Variants in CSMD1 observed in about 807,000 individuals in gnomAD.
CSMD1 encodes the protein CUB and sushi domain-containing protein 1.
A neutral mutation model predicts 417.5 loss-of-function variants in CSMD1; 213 were observed. The observed-to-expected ratio is 0.51, with a 90% CI of 0.46 to 0.57. The LOEUF (loss-of-function observed/expected upper bound fraction) is 0.57, where lower values mean the gene tolerates loss of function less well. Among genes scored for constraint, CSMD1 ranks in the 20% least tolerant of loss-of-function variants. The probability of loss-of-function intolerance (pLI) is 0.00; values close to 1 mark genes in which losing one functional copy is unlikely to be tolerated. For synonymous variants in CSMD1, 2,862 were observed against 1,736.8 expected (o/e 1.65, Z -16.11); for missense variants, 6,923 against 4,529.7 (o/e 1.53, Z -15.17).
intron 2 of CSMD1, among the ~76,000 whole-genome samples, chr8:4,488,982 G>A (rs1003961163): frequency 2.0e-5 from 3 of 152,088 alleles, no homozygotes; most frequent in African/African-American, 7.2e-5. Context: ...CGCGATCTTG[G>A]CTCACTGCAC....
intron 12 of CSMD1, among the ~76,000 whole-genome samples, chr8:3,442,724 T>C (rs1325476222): frequency 2.6e-5 from 4 of 152,230 alleles, no homozygotes; most frequent in Non-Finnish European, 4.4e-5. Context: ...TGACTGCATA[T>C]GCATGTATAT....
intron 5 of CSMD1, among the ~76,000 whole-genome samples, chr8:3,950,663 T>G (rs1285943679): frequency 2.0e-5 from 3 of 152,364 alleles, no homozygotes; most frequent in East Asian, 1.9e-4. Context: ...AAAAAGTTAA[T>G]GTTTCTCCTG....
Position 4,760,823 on chromosome 8 carries a change from G to C in CSMD1, c.86-123265C>G, listed in dbSNP as rs568787770. ...ACACGCAAAAAGATCTGCTGCATTA[G>C]GAAGGAATTCCCATAGAATAATCAT... On this transcript the variant is annotated intron_variant, in intron 1 of 69. Transcript: ENST00000635120. Among the ~76,000 whole-genome samples the C allele has an allele frequency of 1.4e-4, 21 of 152,288 alleles. No homozygotes were observed. The South Asian group carries it at 4.1e-3, about 30-fold the overall frequency.
At chr8:4,610,284 T>G (rs996493403) in intron 2 of CSMD1, among the ~76,000 whole-genome samples, 8 of 152,210 alleles carry the variant, frequency 5.3e-5, no homozygotes, top group Non-Finnish European at 1.0e-4. Context: ...GACTATTGGA[T>G]CCATGAAATT....
At chr8:3,875,423 C>G (rs951625001) in intron 5 of CSMD1, among the ~76,000 whole-genome samples, 1 of 151,954 alleles carries the variant, frequency 6.6e-6, no homozygotes, top group Non-Finnish European at 1.5e-5. Flanking sequence ...TGGAGGAGTT[C>G]CTGCAGGAGG....
At chr8:4,055,066 G>T (rs569230153) in intron 3 of CSMD1, among the ~76,000 whole-genome samples, 129 of 152,248 alleles carry the variant, frequency 8.5e-4, no homozygotes, top group Non-Finnish European at 1.7e-3. Flanking sequence ...CAAACAATCA[G>T]AGAGAATACT....
chr8:3,050,121 AC>A (rs1412713954), intron 50 of CSMD1, among the ~76,000 whole-genome samples: 1 of 151,504 alleles, frequency 6.6e-6, no homozygotes, highest in East Asian at 1.9e-4. Context: ...AAAAAAAAAA[AC>A]TGATGATTGG....
intron 38 of CSMD1, 64 bp from the exon 39 acceptor site, chr8:3,158,030 T>G (rs1819643582): frequency 8.0e-7 from 1 of 1,256,990 alleles, no homozygotes; most frequent in Non-Finnish European, 1.1e-6. Flanking sequence ...GGATTAAATG[T>G]TTGAGAATAT....
At chr8:3,974,385 G>A (rs903051776) in intron 5 of CSMD1, among the ~76,000 whole-genome samples, 1 of 151,704 alleles carries the variant, frequency 6.6e-6, no homozygotes, top group Non-Finnish European at 1.5e-5. Context: ...AAAAGAAGGA[G>A]GAAATTAAAC....
chr8:3,116,792 A>G (rs1024313234), intron 42 of CSMD1, among the ~76,000 whole-genome samples: 3 of 152,148 alleles, frequency 2.0e-5, no homozygotes, highest in African/African-American at 4.8e-5. Flanking sequence ...CCATTTACAT[A>G]TGAATTCAAA....
At chr8:2,951,567 T>A (rs1309885350) in intron 65 of CSMD1, among the ~76,000 whole-genome samples, 1 of 151,734 alleles carries the variant, frequency 6.6e-6, no homozygotes, top group Non-Finnish European at 1.5e-5. Flanking sequence ...TCATGGGCTA[T>A]GGTGAACTGG....
chr8:4,666,859 T>G (rs2130935335), intron 1 of CSMD1, among the ~76,000 whole-genome samples: 1 of 152,258 alleles, frequency 6.6e-6, no homozygotes, highest in South Asian at 2.1e-4. Flanking sequence ...TTTGATGAAG[T>G]CTGATTTATC....
chr8:4,044,906 AC>A, intron 3 of CSMD1, among the ~76,000 whole-genome samples: 1 of 150,310 alleles, frequency 6.7e-6, no homozygotes, highest in Admixed American at 6.7e-5. Context: ...GACTTCTCCC[AC>A]AAAAAGTTAA....
chr8:3,567,085 T>C (rs1433509672), intron 10 of CSMD1, among the ~76,000 whole-genome samples: 2 of 152,226 alleles, frequency 1.3e-5, no homozygotes, highest in Non-Finnish European at 2.9e-5. Context: ...CATGGAATAC[T>C]ATGCAGCCAT....
chr8:2,965,721 T>C, intron 59 of CSMD1, 54 bp downstream of exon 59: 1 of 1,484,464 alleles, frequency 6.7e-7, no homozygotes, highest in Non-Finnish European at 9.2e-7. Flanking sequence ...CAAAGCATAA[T>C]TCAATAAAGA....
At chr8:4,060,163 C>T (rs995772592) in intron 3 of CSMD1, among the ~76,000 whole-genome samples, 2 of 152,080 alleles carry the variant, frequency 1.3e-5, no homozygotes, top group African/African-American at 2.4e-5. Context: ...AAATGTAATC[C>T]AGCATATAAA....
intron 5 of CSMD1, among the ~76,000 whole-genome samples, chr8:3,857,621 T>G (rs1279509945): frequency 6.6e-6 from 1 of 152,168 alleles, no homozygotes; most frequent in East Asian, 1.9e-4. Flanking sequence ...CAGGTGGAGT[T>G]CACAGAGCAG....
At chr8:4,593,503 G>C (rs1309686600) in intron 2 of CSMD1, among the ~76,000 whole-genome samples, 2 of 152,008 alleles carry the variant, frequency 1.3e-5, no homozygotes, top group Admixed American at 6.6e-5. Context: ...TAGAGTCTTG[G>C]ATTATTTTTC....
In CSMD1 at chr8:4,160,807, T is replaced by C. The variant is rs376722638; in HGVS notation, c.416-128708A>G. On this transcript the variant is annotated intron_variant, in intron 3 of 69. Coordinates refer to ENST00000635120, the MANE Select transcript of CSMD1 (RefSeq NM_033225.6). ...TTTTACCCGTGAAGGTGGTGTACTG[T>C]AAATATCAGAAAAGAAGAAGAAAAG... Among the ~76,000 whole-genome samples, 5 of 152,338 alleles carry C rather than the reference T, an allele frequency of 3.3e-5. No individual in the cohort carries two copies. The South Asian group carries it at 1.0e-3, about 32-fold the overall frequency.
Sources: allele counts gnomAD v4.1 joint callset (sites outside exome capture counted in the v4.1 genomes callset), GRCh38; gene constraint gnomAD v4.1.1; transcripts MANE v1.5; gene names NCBI Gene and HGNC (gene_info 2026-07-23, HGNC 2026-07-21).